GTPBP4: variants seen among roughly 807,000 people sequenced by gnomAD.
GTPBP4 encodes the protein GTP-binding protein 4.
A neutral mutation model predicts 81.7 loss-of-function variants in GTPBP4; 15 were observed. The ratio of observed to expected loss-of-function variants is 0.18; its 90% confidence interval spans 0.12 to 0.28. The LOEUF (loss-of-function observed/expected upper bound fraction) is 0.28. GTPBP4 is among the 10% of genes least tolerant of loss of function. The pLI is 1.00. For synonymous variants in GTPBP4, 272 were observed against 274.6 expected (o/e 0.99, Z 0.09); for missense variants, 847 against 793.8 (o/e 1.07, Z -0.81).
intron 10 of GTPBP4, chr10:1,008,378 C>G (rs1642380134): frequency 2.8e-6 from 1 of 358,678 alleles, no homozygotes; most frequent in Non-Finnish European, 5.5e-6. Flanking sequence ...GTACTCCAGC[C>G]TGGGTGACAA....
intron 1 of GTPBP4, 74 bp from the exon 2 acceptor site, chr10:992,415 A>AG (rs1489923423): frequency 6.3e-6 from 6 of 946,794 alleles, no homozygotes; most frequent in Non-Finnish European, 9.8e-6. Context: ...AAAAAAAAAA[A>AG]AGGAAGGTTT....
intron 2 of GTPBP4, among the ~76,000 whole-genome samples, chr10:995,334 T>C (rs1831519828): frequency 6.6e-6 from 1 of 151,980 alleles, no homozygotes; most frequent in Non-Finnish European, 1.5e-5. Context: ...GCAGGATGCA[T>C]GGCCAGCCCG....
At chr10:1,009,978 G>C (rs1045862959) in intron 12 of GTPBP4, among the ~76,000 whole-genome samples, 1 of 144,166 alleles carries the variant, frequency 6.9e-6, no homozygotes, top group Admixed American at 7.1e-5. Flanking sequence ...CTGGACGACA[G>C]AGTGAGACTC....
rs902951652 is a variant in GTPBP4 at position 996,211 on chromosome 10, G to A, written c.429G>A (p.Arg143=). 1 of 1,613,776 alleles carries A rather than the reference G, an allele frequency of 6.2e-7. No individual in the cohort carries two copies. The highest frequency in any genetic ancestry group is 8.5e-7 in the Non-Finnish European group (1 of 1,179,822). The change falls in exon 4 of 17, where the codon AGG becomes AGA. Residue 143 remains arginine, a synonymous_variant. Transcript: ENST00000360803. ...ALGRMCTVIK[R]QKQSLEYLEQ... ...GACGGATGTGCACAGTGATCAAGAG[G>A]CAGAAGCAGAGTTTGGAGTATTTGG...
chr10:1,016,263 A>G (rs1033264833), intron 16 of GTPBP4, among the ~76,000 whole-genome samples: 5 of 152,210 alleles, frequency 3.3e-5, no homozygotes, highest in Non-Finnish European at 7.3e-5. Flanking sequence ...GGAACAGCAG[A>G]GGGAACTCCT....
chr10:1,014,112 C>G, intron 14 of GTPBP4, 135 bp from the exon 15 acceptor site: 1 of 551,090 alleles, frequency 1.8e-6, no homozygotes, highest in East Asian at 3.4e-5. Context: ...AAGCGGGGCC[C>G]AATAAAAATT....
chr10:996,038 G>A lies in GTPBP4; in HGVS notation c.323+6G>A. 6.3e-7 allele frequency: 1 copy of A among 1,595,876 alleles called. No homozygotes were observed. Among genetic ancestry groups the A allele is most frequent in the East Asian group, 2.2e-5 (1 of 44,804 alleles). On this transcript the variant is annotated splice_donor_region_variant and intron_variant, in intron 3 of 16. Transcript: ENST00000360803. The stretch of plus-strand genomic sequence containing the variant: ...GCCAAAAATTTAGTGGACAAGTAAG[G>A]TACTTTTTTCTGTAGTGTCTTTTAA...
Position 1,017,315 on chromosome 10 carries a change from T to A in GTPBP4, c.*88T>A. On this transcript the variant is annotated 3_prime_UTR_variant, in exon 17 of 17. Transcript: ENST00000360803. ...ATGGTTTCATGAAATTGGAGCTCTGTATAAACTGAAAAAGACAAAATAAGT... is the reference window on the plus strand; with the variant it reads ...ATGGTTTCATGAAATTGGAGCTCTGAATAAACTGAAAAAGACAAAATAAGT... 1.6e-6 allele frequency: 2 copies of A among 1,222,414 alleles called. No homozygotes were observed. The highest frequency in any genetic ancestry group is 2.3e-6 in the Non-Finnish European group (2 of 860,896). 75.7% of individuals were successfully genotyped at this position (1,222,414 alleles called of 1,614,324 possible).
In GTPBP4 at chr10:992,557, A is replaced by G; in HGVS notation, c.117A>G (p.Gln39=). The change falls in exon 2 of 17, where the codon CAA becomes CAG. Residue 39 remains glutamine (Q), a synonymous_variant. Coordinates refer to ENST00000360803, the MANE Select transcript of GTPBP4 (RefSeq NM_012341.3). Reference sequence around the variant, plus strand: ...CAACCGTTATTCATAAACATTACCAAATACATCGCATTAGACATTTTTACA... The same window carrying G: ...CAACCGTTATTCATAAACATTACCAGATACATCGCATTAGACATTTTTACA... ...KTPTVIHKHY[Q]IHRIRHFYMR... is the part of the protein sequence containing the mutation. 6.3e-7 allele frequency: 1 copy of G among 1,599,892 alleles called. No homozygotes were observed. The highest frequency in any genetic ancestry group is 8.6e-7 in the Non-Finnish European group (1 of 1,167,108).
Position 1,000,703 on chromosome 10 carries a change from C to A in GTPBP4, c.681C>A (p.Asp227Glu). The A allele has an allele frequency of 6.5e-6, 10 of 1,545,694 alleles. No homozygotes were observed. The highest frequency in any genetic ancestry group is 8.7e-6 in the Non-Finnish European group (10 of 1,147,530). ...TTGTAGACACTCCTGGGATCCTGGA[C>A]CACCCTCTGGAGGATAGGAACACCA... The part of the protein sequence containing the change: ...WQVVDTPGIL[D>E]HPLEDRNTIE... Residue 227 changes from aspartate (D) to glutamate (E), a missense_variant, in exon 7 of 17, where the codon GAC (aspartate) becomes GAA (glutamate). This residue lies in a region of GTPBP4 where 600 missense variants were observed against 557.1 expected (regional missense o/e 1.08). Coordinates refer to ENST00000360803, the MANE Select transcript of GTPBP4 (RefSeq NM_012341.3).
At position 997,256 on chromosome 10, in the gene GTPBP4, C is replaced by T. The variant is rs1474307197; in HGVS notation, c.509C>T (p.Thr170Ile). The T allele has an allele frequency of 1.2e-6, 2 of 1,610,514 alleles. No individual in the cohort carries two copies. The highest frequency in any genetic ancestry group is 1.7e-6 in the Non-Finnish European group (2 of 1,176,786). The change falls in exon 5 of 17, where the codon ACC (threonine) becomes ATC (isoleucine). Residue 170 changes from threonine (T) to isoleucine (I), a missense_variant. By Grantham distance (89) the Thr-to-Ile change is moderately conservative. Coordinates refer to ENST00000360803, the MANE Select transcript of GTPBP4 (RefSeq NM_012341.3). ...RLPTIDPNTR[T>I]LLLCGYPNVG... ...CCAACCATTGATCCGAATACCAGGACCCTGCTTTTGTGTGGGTACCCAAAT... is the reference window on the plus strand; with the variant it reads ...CCAACCATTGATCCGAATACCAGGATCCTGCTTTTGTGTGGGTACCCAAAT...
intron 15 of GTPBP4, 71 bp downstream of exon 15, chr10:1,014,383 G>A (rs539882693): frequency 9.7e-6 from 11 of 1,134,238 alleles, no homozygotes; most frequent in South Asian, 2.5e-5. Context: ...CTGGCCGGGC[G>A]TGGTGGCTCA....
At position 1,019,504 on chromosome 10, in the gene GTPBP4, A is replaced by T; in HGVS notation, c.*2277A>T. 1 of 1,602,698 alleles carries T rather than the reference A, an allele frequency of 6.2e-7. No individual in the cohort carries two copies. Among genetic ancestry groups the T allele is most frequent in the Non-Finnish European group, 8.5e-7 (1 of 1,172,692 alleles). ...GAGGGCATTACACATGGCTGACTCG[A>T]CCTCCCTGCCTCTCACACTCTGTGT... On this transcript the variant is annotated 3_prime_UTR_variant, in exon 17 of 17. Coordinates refer to ENST00000360803, the MANE Select transcript of GTPBP4 (RefSeq NM_012341.3).
chr10:1,011,723 G>C (rs1026954446), intron 13 of GTPBP4, among the ~76,000 whole-genome samples: 3 of 152,212 alleles, frequency 2.0e-5, no homozygotes, highest in African/African-American at 7.2e-5. Context: ...AATTTCGTTG[G>C]TGCTGGAGGA....
At chr10:992,411 A>AG (rs1391074097) in intron 1 of GTPBP4, 78 bp from the exon 2 acceptor site, 39 of 954,036 alleles carry the variant, frequency 4.1e-5, no homozygotes, top group Non-Finnish European at 6.1e-5. Context: ...AAAAAAAAAA[A>AG]AAAAAGGAAG....
chr10:1,004,900 T>C (rs10795309), intron 8 of GTPBP4, among the ~76,000 whole-genome samples: 149,658 of 152,296 alleles, frequency 0.98, 73,578 homozygotes, highest in Middle Eastern at 1. Context: ...CCCAAGATGA[T>C]GGAGTATAGC....
At chr10:992,804 A>G (rs1232850367) in intron 2 of GTPBP4, 145 bp downstream of exon 2, 2 of 578,430 alleles carry the variant, frequency 3.5e-6, no homozygotes, top group Non-Finnish European at 6.1e-6. Flanking sequence ...CAAAGAACTA[A>G]TTTGTTGAAT....
chr10:1,011,494 CTTTT>C (rs1302399115), intron 13 of GTPBP4, among the ~76,000 whole-genome samples: 2 of 50,848 alleles, frequency 3.9e-5, no homozygotes, highest in African/African-American at 6.1e-5. Flanking sequence ...CTGGAACATG[CTTTT>C]TATACAATAC....
rs369012604 is a variant in GTPBP4, at chr10:1,003,645, A to C, written c.913-2173A>C. 5.3e-5 allele frequency among the ~76,000 whole-genome samples: 8 copies of C among 152,164 alleles called. No individual in the cohort carries two copies. In the East Asian group the frequency reaches 9.6e-4, roughly 18 times the overall value. On this transcript the variant is annotated intron_variant, in intron 8 of 16. Coordinates refer to ENST00000360803, the MANE Select transcript of GTPBP4 (RefSeq NM_012341.3). ...AGGAGCAGTGACATTGTTTCTGTGC[A>C]GCTTCCTCACCTCCATGAAATGTTG...
Sources: allele counts gnomAD v4.1 joint callset (sites outside exome capture counted in the v4.1 genomes callset), GRCh38; gene constraint gnomAD v4.1.1; regional missense constraint gnomAD v4.1.1; transcripts MANE v1.5; gene names NCBI Gene and HGNC (gene_info 2026-07-23, HGNC 2026-07-21).